Variants in WDR48 observed in about 807,000 individuals in gnomAD.
WDR48 encodes the protein WD repeat-containing protein 48.
Under a neutral mutation model 94.0 loss-of-function variants are expected in WDR48, and 22 were observed. The ratio of observed to expected loss-of-function variants is 0.23; its 90% CI spans 0.17 to 0.33. The LOEUF is 0.33. WDR48 is among the 10% of genes least tolerant of loss of function. WDR48 has a pLI of 1.00. For synonymous variants in WDR48, 278 were observed against 280.5 expected, an observed-to-expected ratio of 0.99 and a Z score of 0.09; for missense variants, 541 against 813.8, an observed-to-expected ratio of 0.66 and a Z score of 4.08.
intron 1 of WDR48, chr3:39,052,355 G>A: frequency 4.6e-6 from 2 of 432,450 alleles, no homozygotes; most frequent in South Asian, 4.7e-5. Flanking sequence ...GACTTGCGGG[G>A]TCGGGATAGG....
Position 39,063,081 on chromosome 3 carries a change from A to G in WDR48, c.80A>G (p.Lys27Arg), listed in dbSNP as rs761771976. Residue 27 changes from lysine (K) to arginine (R), a missense_variant, in exon 2 of 19, where the codon AAG becomes AGG. By Grantham distance (26) the Lys-to-Arg change is conservative. This residue lies in a region of WDR48 where 90 missense variants were observed against 122.3 expected (regional missense o/e 0.74). Coordinates refer to ENST00000302313, the MANE Select transcript of WDR48 (RefSeq NM_020839.4). The stretch of plus-strand genomic sequence containing the variant: ...TATGTTATTCGAGATGAAGTGGAGA[A>G]GTACAACCGAAATGGAGTCAATGCT... The part of the protein sequence containing the change: ...VSYVIRDEVE[K>R]YNRNGVNALQ... 1.9e-6 allele frequency: 3 copies of G among 1,614,142 alleles called. No individual in the cohort carries two copies. The highest frequency in any genetic ancestry group is 1.7e-6 in the Non-Finnish European group (2 of 1,179,984).
rs1189846170 is a variant in WDR48, at chr3:39,096,636, T to C, written c.*1893T>C. On this transcript the variant is annotated 3_prime_UTR_variant, in exon 19 of 19. Transcript: ENST00000302313. ...AGGGTAAAAATCTGTATTTCACAGT[T>C]GTATAGAATAAAGGCTTTAGTTAAA... 1 of 152,196 alleles carries C rather than the reference T, an allele frequency of 6.6e-6. No homozygotes were observed. The highest frequency in any genetic ancestry group is 1.5e-5 in the Non-Finnish European group (1 of 68,030). The allele number at this position is 152,196 out of a possible 1,614,324, so 9.4% of individuals were successfully genotyped here.
At chr3:39,060,962 C>T (rs1283246986) in intron 1 of WDR48, among the ~76,000 whole-genome samples, 1 of 152,090 alleles carries the variant, frequency 6.6e-6, no homozygotes, top group Non-Finnish European at 1.5e-5. Context: ...GCAAGATTCT[C>T]TCAAAAAATA....
chr3:39,085,152 G>A (rs565448294), intron 13 of WDR48, among the ~76,000 whole-genome samples: 122 of 152,176 alleles, frequency 8.0e-4, no homozygotes, highest in African/African-American at 2.7e-3. Flanking sequence ...GCGTGAACCC[G>A]GGAGGCGGAG....
chr3:39,079,990 A>T (rs1258752200), intron 11 of WDR48, among the ~76,000 whole-genome samples, 182 bp downstream of exon 11: 1 of 151,570 alleles, frequency 6.6e-6, no homozygotes, highest in Non-Finnish European at 1.5e-5. Flanking sequence ...TAAGTAAATA[A>T]ACTGTTTAAA....
At chr3:39,068,655 CGTA>C in intron 5 of WDR48, 113 bp from the exon 6 acceptor site, 1 of 623,502 alleles carries the variant, frequency 1.6e-6, no homozygotes, top group Non-Finnish European at 2.9e-6. Flanking sequence ...ATTTCTTTTC[CGTA>C]GAGGACTTAT....
intron 18 of WDR48, 53 bp from the exon 19 acceptor site, chr3:39,094,595 G>T: frequency 6.2e-7 from 1 of 1,608,712 alleles, no homozygotes. Context: ...TTAATGATAA[G>T]GTTTTAGATA....
At chr3:39,084,487 A>G (rs1320697102) in intron 12 of WDR48, among the ~76,000 whole-genome samples, 158 bp from the exon 13 acceptor site, 1 of 152,230 alleles carries the variant, frequency 6.6e-6, no homozygotes, top group Non-Finnish European at 1.5e-5. Flanking sequence ...ATCCCAGGAA[A>G]CTAAATTGTG....
chr3:39,066,171 G>C (rs532555803), intron 3 of WDR48, among the ~76,000 whole-genome samples: 1 of 152,154 alleles, frequency 6.6e-6, no homozygotes, highest in South Asian at 2.1e-4. Flanking sequence ...ACTGTATATA[G>C]ACTCGTACTA....
chr3:39,067,868 C>T (rs2033702239), intron 5 of WDR48, among the ~76,000 whole-genome samples: 2 of 151,920 alleles, frequency 1.3e-5, no homozygotes, highest in Non-Finnish European at 2.9e-5. Flanking sequence ...CTTGATTTTT[C>T]ACCTGTACAT....
At chr3:39,058,917 A>T (rs547026152) in intron 1 of WDR48, among the ~76,000 whole-genome samples, 1 of 152,246 alleles carries the variant, frequency 6.6e-6, no homozygotes, top group Non-Finnish European at 1.5e-5. Context: ...TCTACTAAAA[A>T]TACAAAAATT....
rs533074352 is a variant in WDR48, at chr3:39,056,691, T to C, written c.48+4618T>C. ...TTCAAGAGCTGAGAGAATTGCTAAA[T>C]CAAGTGTAAATGTGGAGGAAAGACC... On this transcript the variant is annotated intron_variant, in intron 1 of 18. Transcript: ENST00000302313. Among the ~76,000 whole-genome samples, 4 of 152,302 alleles carry C rather than the reference T, an allele frequency of 2.6e-5. No individual in the cohort carries two copies. The South Asian group carries it at 8.3e-4, about 32-fold the overall frequency.
chr3:39,088,980 C>T (rs1441211066), intron 15 of WDR48, among the ~76,000 whole-genome samples: 1 of 152,190 alleles, frequency 6.6e-6, no homozygotes, highest in African/African-American at 2.4e-5. Context: ...GGTTTCCTGT[C>T]ATCACCCAAG....
intron 7 of WDR48, among the ~76,000 whole-genome samples, chr3:39,071,561 T>C (rs998041077): frequency 6.6e-6 from 1 of 152,270 alleles, no homozygotes; most frequent in Non-Finnish European, 1.5e-5. Context: ...AATGTGCTTC[T>C]ATAAAAGATG....
rs369557057 is a variant in WDR48, at chr3:39,063,113, C to G, written c.112C>G (p.Leu38Val). ...YNRNGVNALQ[L>V]DPALNRLFTA... ...CCGAAATGGAGTCAATGCTCTGCAG[C>G]TGGATCCAGCACTAAATAGACTTTT... The change falls in exon 2 of 19, where the codon CTG (leucine) becomes GTG (valine). Residue 38 changes from leucine to valine, a missense_variant. By Grantham distance (32) the Leu-to-Val change is conservative. Coordinates refer to ENST00000302313, the MANE Select transcript of WDR48 (RefSeq NM_020839.4). 1.9e-5 allele frequency: 30 copies of G among 1,614,130 alleles called. No homozygotes were observed. The highest frequency in any genetic ancestry group is 2.5e-5 in the Non-Finnish European group (30 of 1,180,002).
chr3:39,077,330 G>A (rs754968070), intron 9 of WDR48, 117 bp downstream of exon 9: 2 of 1,049,520 alleles, frequency 1.9e-6, no homozygotes, highest in Admixed American at 2.5e-5. Flanking sequence ...TTTTGGGCAG[G>A]GGCAAAAACC....
rs2034424697 is a variant in WDR48 at position 39,079,815 on chromosome 3, A to G, written c.1173+7A>G. ...ATATTGGGATGTATTGAAGGTGAGT[A>G]TTTTTTTTGGGCTAAATATAGGTTG... On this transcript the variant is annotated splice_region_variant and intron_variant, in intron 11 of 18. Transcript: ENST00000302313. 1 of 1,501,140 alleles carries G rather than the reference A, an allele frequency of 6.7e-7. No homozygotes were observed. 93.0% of individuals were successfully genotyped at this position (1,501,140 alleles called of 1,614,324 possible).
chr3:39,065,556 C>CA (rs34404622), intron 2 of WDR48, among the ~76,000 whole-genome samples: 12,160 of 116,374 alleles, frequency 0.1, 687 homozygotes, highest in African/African-American at 0.21. Context: ...TTTAACAAGG[C>CA]AAAAAAAAAA....
Position 39,094,780 on chromosome 3 carries a change from C to T in WDR48, c.*37C>T. 1 of 1,611,876 alleles carries T rather than the reference C, an allele frequency of 6.2e-7. No homozygotes were observed. The highest frequency in any genetic ancestry group is 8.5e-7 in the Non-Finnish European group (1 of 1,179,228). ...ATGCTCCTGGATATTCATTTACGAC[C>T]TTCCTCTATGGCCCCAAGAGTAGTC... On this transcript the variant is annotated 3_prime_UTR_variant, in exon 19 of 19. Coordinates refer to ENST00000302313, the MANE Select transcript of WDR48 (RefSeq NM_020839.4).
Sources: allele counts gnomAD v4.1 joint callset (sites outside exome capture counted in the v4.1 genomes callset), GRCh38; gene constraint gnomAD v4.1.1; regional missense constraint gnomAD v4.1.1; transcripts MANE v1.5; gene names NCBI Gene and HGNC (gene_info 2026-07-23, HGNC 2026-07-21).